The following PI4KA variants were observed in gnomAD, a reference collection of about 807,000 sequenced individuals.
PI4KA encodes the protein phosphatidylinositol 4-kinase alpha.
PI4KA carries 122 observed loss-of-function variants against 271.4 expected under a neutral mutation model. The observed-to-expected ratio is 0.45, with a 90% CI of 0.39 to 0.52. The LOEUF (loss-of-function observed/expected upper bound fraction) is 0.52, where lower values mean the gene tolerates loss of function less well. Among genes scored for constraint, PI4KA ranks in the 20% least tolerant of loss-of-function variants. The probability of loss-of-function intolerance (pLI) is 0.00; values close to 1 mark genes in which losing one functional copy is unlikely to be tolerated. For missense variants in PI4KA, 1,969 were observed against 2,769.1 expected (o/e 0.71, Z 6.48); for synonymous variants, 1,041 against 1,078.8 (o/e 0.96, Z 0.69).
chr22:20,782,053 A>C (rs1410796492), intron 19 of PI4KA, among the ~76,000 whole-genome samples: 1 of 152,192 alleles, frequency 6.6e-6, no homozygotes, highest in South Asian at 2.1e-4. Context: ...CATTTATTTT[A>C]CTTCTACTAG....
rs779488770 is a variant in PI4KA at position 20,747,589 on chromosome 22, A to G, written c.3357T>C (p.Thr1119=). 2 of 1,613,736 alleles carry G rather than the reference A, an allele frequency of 1.2e-6. No individual in the cohort carries two copies. The highest frequency in any genetic ancestry group is 2.2e-5 in the South Asian group (2 of 91,048). ...TCAGAAGGCTCGCACATACCCCAAG[A>G]GTTGTGTTCTGCTTGTTGTAGCCAG... ...HFAGYNKQNT[T]LGATQLSERP... The change falls in exon 29 of 55, where the codon ACT becomes ACC. Residue 1119 remains threonine (T), a synonymous_variant. Transcript: ENST00000255882.
intron 7 of PI4KA, among the ~76,000 whole-genome samples, chr22:20,815,298 T>C (rs1921629781): frequency 1.3e-5 from 2 of 149,816 alleles, no homozygotes; most frequent in African/African-American, 4.9e-5. Context: ...GGAAAACTGC[T>C]TAAGCCCGGG....
intron 3 of PI4KA, among the ~76,000 whole-genome samples, chr22:20,828,376 G>GACTTCCAGA (rs1344256173): frequency 6.6e-6 from 1 of 152,070 alleles, no homozygotes; most frequent in Non-Finnish European, 1.5e-5. Context: ...CTCTGGCCAG[G>GACTTCCAGA]ACTTCCAGAA....
rs557037481 is a variant in PI4KA, at chr22:20,813,828, T to C, written c.857-322A>G. Among the ~76,000 whole-genome samples the C allele has an allele frequency of 3.3e-5, 5 of 152,352 alleles. No individual in the cohort carries two copies. The East Asian group carries it at 9.6e-4, about 29-fold the overall frequency. On this transcript the variant is annotated intron_variant, in intron 7 of 54. Coordinates refer to ENST00000255882, the MANE Select transcript of PI4KA (RefSeq NM_058004.4). ...ATTTTTATTTTTTTGAGACAGAGTC[T>C]CGCTCTGTTGCCCAGGCTGGAGTGC...
At chr22:20,809,238 C>T (rs758025117) in intron 9 of PI4KA, among the ~76,000 whole-genome samples, 13 of 152,052 alleles carry the variant, frequency 8.5e-5, no homozygotes, top group Non-Finnish European at 1.6e-4. Context: ...CCATCACTCA[C>T]GAGCTATGTA....
At chr22:20,779,712 G>A (rs758369154) in intron 19 of PI4KA, 12 of 1,614,092 alleles carry the variant, frequency 7.4e-6, no homozygotes, top group East Asian at 4.5e-5. Context: ...CGCCAAGTTC[G>A]CTTTCAACCT....
chr22:20,751,532 CA>C (rs1350821659), intron 26 of PI4KA, 141 bp downstream of exon 26: 1 of 940,966 alleles, frequency 1.1e-6, no homozygotes, highest in African/African-American at 1.6e-5. Flanking sequence ...TGGGCCCCCT[CA>C]CCCCCAACTC....
rs565499161 is a variant in PI4KA at position 20,717,561 on chromosome 22, C to T, written c.5317+147G>A. 50 of 681,950 alleles carry T rather than the reference C, an allele frequency of 7.3e-5. No individual in the cohort carries two copies. In the African/African-American group the frequency reaches 8.1e-4, roughly 11 times the overall value. 42.2% of individuals were successfully genotyped at this position (681,950 alleles called of 1,614,324 possible). A position where few individuals can be genotyped will look rare whatever the true frequency, so the allele number is the denominator to read the frequency against. On this transcript the variant is annotated intron_variant, in intron 45 of 54. Transcript: ENST00000255882. ...GGGGAGGGGCTGGGGTCCTGGGGCA[C>T]CAGGCACCGTGGGCCCAAGCAGGTG...
intron 18 of PI4KA, among the ~76,000 whole-genome samples, chr22:20,794,769 C>A (rs1289141199): frequency 6.6e-6 from 1 of 152,200 alleles, no homozygotes; most frequent in African/African-American, 2.4e-5. Context: ...TTCTGTAACA[C>A]CCTCATCTAG....
At chr22:20,723,733 G>C (rs1927019951) in intron 42 of PI4KA, among the ~76,000 whole-genome samples, 1 of 151,958 alleles carries the variant, frequency 6.6e-6, no homozygotes, top group Non-Finnish European at 1.5e-5. Context: ...CGGGAGGCTG[G>C]GGCAGGAAAA....
intron 19 of PI4KA, among the ~76,000 whole-genome samples, chr22:20,772,812 G>A (rs1029531309): frequency 1.4e-4 from 22 of 152,098 alleles, no homozygotes; most frequent in African/African-American, 3.9e-4. Flanking sequence ...TCATAAGGCC[G>A]GGCACAGTGA....
chr22:20,779,921 T>G (rs1933630692), intron 19 of PI4KA: 3 of 1,614,132 alleles, frequency 1.9e-6, no homozygotes, highest in Non-Finnish European at 2.5e-6. Flanking sequence ...ATCTCTTCCG[T>G]AAGCTGACTC....
intron 42 of PI4KA, chr22:20,725,751 C>G (rs1224284348): frequency 3.3e-6 from 1 of 307,102 alleles, no homozygotes; most frequent in South Asian, 2.7e-5. Flanking sequence ...CAAAAATTAG[C>G]TGGGCGTGGT....
intron 32 of PI4KA, among the ~76,000 whole-genome samples, chr22:20,737,708 C>T (rs1308533736): frequency 1.3e-5 from 2 of 151,494 alleles, no homozygotes; most frequent in Admixed American, 6.6e-5. Flanking sequence ...CTTGGCTCAC[C>T]GCAACCTCCG....
chr22:20,849,758 G>T (rs950545810), intron 1 of PI4KA, among the ~76,000 whole-genome samples: 1 of 152,176 alleles, frequency 6.6e-6, no homozygotes, highest in Non-Finnish European at 1.5e-5. Flanking sequence ...GGAGTCTGAG[G>T]CAGAAGAATG....
At chr22:20,769,851 T>C (rs1932794633) in intron 19 of PI4KA, among the ~76,000 whole-genome samples, 1 of 152,056 alleles carries the variant, frequency 6.6e-6, no homozygotes, top group Admixed American at 6.6e-5. Context: ...GTGATATATG[T>C]GAGGCTTGTG....
intron 19 of PI4KA, among the ~76,000 whole-genome samples, chr22:20,777,779 G>A (rs1246835035): frequency 6.6e-6 from 1 of 152,218 alleles, no homozygotes; most frequent in African/African-American, 2.4e-5. Context: ...CCAGAGTGCA[G>A]TTAATAACCA....
At chr22:20,712,244 G>C (rs1925384013) in intron 50 of PI4KA, 3 of 268,078 alleles carry the variant, frequency 1.1e-5, no homozygotes, top group Non-Finnish European at 1.7e-5. Flanking sequence ...TTTTAGTAGA[G>C]ACAGGGTTCA....
chr22:20,812,460 G>A (rs1273920623), intron 8 of PI4KA, among the ~76,000 whole-genome samples: 2 of 152,146 alleles, frequency 1.3e-5, no homozygotes, highest in South Asian at 4.1e-4. Flanking sequence ...CCAATCTTGA[G>A]AGTCTGGCCT....
Sources: gnomAD v4.1 joint callset for allele counts (sites outside exome capture counted in the v4.1 genomes callset) on GRCh38, gnomAD v4.1.1 for gene constraint, MANE v1.5 for transcripts, NCBI Gene and HGNC (gene_info 2026-07-23, HGNC 2026-07-21) for gene names.